Variants in HMCN1 observed in about 807,000 individuals in gnomAD.
The protein encoded by HMCN1 is hemicentin 1.
HMCN1 carries 321 observed loss-of-function variants against 625.9 expected under a neutral mutation model. The observed-to-expected ratio is 0.51, with a 90% CI of 0.47 to 0.56. The LOEUF (loss-of-function observed/expected upper bound fraction) is 0.56, where lower values mean the gene tolerates loss of function less well. HMCN1 is among the 20% of genes least tolerant of loss of function. HMCN1 has a pLI of 0.00. For synonymous variants in HMCN1, 2,425 were observed against 2,417.6 expected, an observed-to-expected ratio of 1.00 and a Z score of -0.09; for missense variants, 6,588 against 6,887.3, an observed-to-expected ratio of 0.96 and a Z score of 1.54.
chr1:186,049,378 C>T (rs374227916), intron 42 of HMCN1, among the ~76,000 whole-genome samples: 1 of 151,728 alleles, frequency 6.6e-6, no homozygotes, highest in East Asian at 1.9e-4. Context: ...AAAAGCATTC[C>T]CATTTCCAGT....
chr1:186,146,416 A>T (rs1484057705), intron 93 of HMCN1, among the ~76,000 whole-genome samples: 1 of 152,198 alleles, frequency 6.6e-6, no homozygotes, highest in East Asian at 1.9e-4. Flanking sequence ...AGAAGTCTAT[A>T]ACTCATGGGC....
At chr1:185,839,561 A>G (rs1398594025) in intron 1 of HMCN1, among the ~76,000 whole-genome samples, 1 of 152,200 alleles carries the variant, frequency 6.6e-6, no homozygotes, top group Non-Finnish European at 1.5e-5. Context: ...TGAGAGTCTG[A>G]ACTTTGTTGG....
Position 186,181,902 on chromosome 1 carries a change from C to G in HMCN1, c.16295-266C>G, listed in dbSNP as rs376182416. Among the ~76,000 whole-genome samples, 164 of 152,076 alleles carry G rather than the reference C, an allele frequency of 1.1e-3. 1 individual carries two copies. The highest frequency in any genetic ancestry group is 3.9e-3 in the African/African-American group (160 of 41,500). On this transcript the variant is annotated intron_variant, in intron 104 of 106. Coordinates refer to ENST00000271588, the MANE Select transcript of HMCN1 (RefSeq NM_031935.3). ...TTACTTAAGTAATATAAAAATTGACCCGTTTGGGACTTCAGCATATATGTG... is the reference window on the plus strand; with the variant it reads ...TTACTTAAGTAATATAAAAATTGACGCGTTTGGGACTTCAGCATATATGTG...
intron 59 of HMCN1, 37 bp downstream of exon 59, chr1:186,087,367 T>C: frequency 6.3e-7 from 1 of 1,599,722 alleles, no homozygotes; most frequent in Non-Finnish European, 8.6e-7. Flanking sequence ...TCTTTTATTT[T>C]AAAACTGGTA....
rs551226774 is a variant in HMCN1, at chr1:185,891,888, T to A, written c.622-17449T>A. ...GCTAGATTGGGGAAATTCTCCAGGA[T>A]AATACCCTGCAGACTGTTTTCCAAC... On this transcript the variant is annotated intron_variant, in intron 4 of 106. Coordinates refer to ENST00000271588, the MANE Select transcript of HMCN1 (RefSeq NM_031935.3). Among the ~76,000 whole-genome samples the A allele has an allele frequency of 2.1e-3, 315 of 148,108 alleles. 3 individuals are homozygous for A. The highest frequency in any genetic ancestry group is 3.1e-3 in the Non-Finnish European group (208 of 68,034).
At chr1:185,784,025 T>C (rs1054183710) in intron 1 of HMCN1, among the ~76,000 whole-genome samples, 3 of 152,204 alleles carry the variant, frequency 2.0e-5, no homozygotes, top group Non-Finnish European at 2.9e-5. Flanking sequence ...CAGTCTGCTT[T>C]GTTTACCTAT....
chr1:186,038,142 G>T (rs547867681), intron 37 of HMCN1, 107 bp downstream of exon 37: 2 of 747,310 alleles, frequency 2.7e-6, no homozygotes, highest in South Asian at 1.5e-5. Context: ...ACAGGTTATA[G>T]AATACATTTC....
At chr1:185,820,140 T>G (rs527626653) in intron 1 of HMCN1, among the ~76,000 whole-genome samples, 3 of 152,330 alleles carry the variant, frequency 2.0e-5, no homozygotes, top group South Asian at 4.1e-4. Context: ...TGTCTAAATA[T>G]GTTTTTCATA....
rs1650659431 is a variant in HMCN1, at chr1:186,151,445, A to G, written c.14758+96A>G. 3 of 1,329,102 alleles carry G rather than the reference A, an allele frequency of 2.3e-6. No homozygotes were observed. The Admixed American group carries it at 5.3e-5, about 24-fold the overall frequency. The allele number at this position is 1,329,102 out of a possible 1,614,324, so 82.3% of individuals were successfully genotyped here. A position where few individuals can be genotyped will look rare whatever the true frequency, so the allele number is the denominator to read the frequency against. ...TTCTAGAGAATGCTACTACTAACTC[A>G]TAAGTATGGTAAGCTTTTAAACAAA... On this transcript the variant is annotated intron_variant, in intron 94 of 106. Coordinates refer to ENST00000271588, the MANE Select transcript of HMCN1 (RefSeq NM_031935.3).
At chr1:185,894,335 C>T (rs929612887) in intron 4 of HMCN1, among the ~76,000 whole-genome samples, 3 of 152,218 alleles carry the variant, frequency 2.0e-5, no homozygotes, top group Admixed American at 6.5e-5. Context: ...ATGGTTCATT[C>T]TCATTGATGT....
At chr1:185,950,477 C>G (rs1249726312) in intron 11 of HMCN1, among the ~76,000 whole-genome samples, 1 of 151,772 alleles carries the variant, frequency 6.6e-6, no homozygotes, top group Non-Finnish European at 1.5e-5. Context: ...AGAATTCTGA[C>G]CGCGCTAACC....
rs1217895083 is a variant in HMCN1, at chr1:186,048,845, T to C, written c.6577+6T>C. ...CTACAATGTCAACATTTGGGGTAAG[T>C]GTAATCAGCTCTTGAAAGCAAATAA... On this transcript the variant is annotated splice_donor_region_variant and intron_variant, in intron 42 of 106. Coordinates refer to ENST00000271588, the MANE Select transcript of HMCN1 (RefSeq NM_031935.3). The C allele has an allele frequency of 1.3e-6, 2 of 1,558,254 alleles. No homozygotes were observed. Among genetic ancestry groups the C allele is most frequent in the African/African-American group, 2.7e-5 (2 of 73,702 alleles).
At chr1:185,974,610 C>T (rs948605897) in intron 15 of HMCN1, among the ~76,000 whole-genome samples, 8 of 152,136 alleles carry the variant, frequency 5.3e-5, no homozygotes, top group African/African-American at 1.9e-4. Flanking sequence ...CATCTACTCA[C>T]TGTAATTCAC....
intron 100 of HMCN1, among the ~76,000 whole-genome samples, chr1:186,168,048 A>G (rs1651988050): frequency 6.6e-6 from 1 of 152,052 alleles, no homozygotes; most frequent in African/African-American, 2.4e-5. Flanking sequence ...AAAAATCCAG[A>G]TGTAGGAAGG....
In HMCN1 at chr1:185,827,093, A is replaced by T. The variant is rs539128194; in HGVS notation, c.269-18933A>T. Among the ~76,000 whole-genome samples, 4 of 149,312 alleles carry T rather than the reference A, an allele frequency of 2.7e-5. No homozygotes were observed. The South Asian group carries it at 6.4e-4, about 24-fold the overall frequency. On this transcript the variant is annotated intron_variant, in intron 1 of 106. Transcript: ENST00000271588. ...AGGCTGAGGCAGGAGAATGGCATGA[A>T]CCCGGGAGGCAGAGCTTGCAGTGAG...
Position 185,783,347 on chromosome 1 carries a change from A to G in HMCN1, c.268+48300A>G, listed in dbSNP as rs561540050. On this transcript the variant is annotated intron_variant, in intron 1 of 106. Transcript: ENST00000271588. ...ATTTGAAGCCTTCTTCTCTCAACTT[A>G]TCAAAGTCATTCTCCATCCAGCTTT... 3.9e-5 allele frequency among the ~76,000 whole-genome samples: 6 copies of G among 152,282 alleles called. No homozygotes were observed. The East Asian group carries it at 9.6e-4, about 24-fold the overall frequency.
intron 1 of HMCN1, among the ~76,000 whole-genome samples, chr1:185,820,745 A>G (rs911700147): frequency 3.9e-5 from 6 of 152,156 alleles, no homozygotes; most frequent in African/African-American, 1.4e-4. Flanking sequence ...ATCAGAGAGT[A>G]CTTTATGGGA....
At chr1:186,142,895 C>T (rs1650059816) in intron 89 of HMCN1, among the ~76,000 whole-genome samples, 1 of 152,018 alleles carries the variant, frequency 6.6e-6, no homozygotes, top group African/African-American at 2.4e-5. Context: ...TTTTGTTAAC[C>T]AACAGCCTTG....
intron 105 of HMCN1, among the ~76,000 whole-genome samples, chr1:186,182,517 G>A (rs1163084870): frequency 6.6e-6 from 1 of 152,140 alleles, no homozygotes. Flanking sequence ...ACTAGAAGGA[G>A]CAAGAATGCC....
Sources: allele counts gnomAD v4.1 joint callset (sites outside exome capture counted in the v4.1 genomes callset), GRCh38; gene constraint gnomAD v4.1.1; transcripts MANE v1.5; gene names NCBI Gene and HGNC (gene_info 2026-07-23, HGNC 2026-07-21).